IL1RAPL2: variants seen among roughly 807,000 people sequenced by gnomAD.
The protein encoded by IL1RAPL2 is interleukin 1 receptor accessory protein like 2.
A neutral mutation model predicts 44.1 loss-of-function variants in IL1RAPL2; 3 were observed. The observed-to-expected ratio is 0.07, with a 90% CI of 0.03 to 0.18. The LOEUF is 0.18. Among genes scored for constraint, IL1RAPL2 ranks in the 10% least tolerant of loss-of-function variants. The pLI is 1.00. For missense variants in IL1RAPL2, 391 were observed against 496.4 expected (o/e 0.79, Z 2.02); for synonymous variants, 181 against 178.8 (o/e 1.01, Z -0.10).
intron 2 of IL1RAPL2, among the ~76,000 whole-genome samples, chrX:104,672,103 C>CT (rs201160425): frequency 2.5e-4 from 27 of 106,720 alleles, no homozygotes; most frequent in African/African-American, 6.8e-4. Context: ...TGCTTTCTTT[C>CT]TTTTTTTTTT....
intron 2 of IL1RAPL2, among the ~76,000 whole-genome samples, chrX:104,737,780 T>C (rs1569305976): frequency 8.9e-6 from 1 of 112,100 alleles, no homozygotes; most frequent in East Asian, 2.8e-4. Context: ...ATGAATCTTT[T>C]GGCTTTGCTC....
At chrX:104,745,585 C>A (rs1191645719) in intron 2 of IL1RAPL2, among the ~76,000 whole-genome samples, 3 of 111,907 alleles carry the variant, frequency 2.7e-5, no homozygotes, top group African/African-American at 9.7e-5. Flanking sequence ...TAATCAGGTA[C>A]AAATATTAAT....
intron 2 of IL1RAPL2, among the ~76,000 whole-genome samples, chrX:104,795,894 A>G (rs1422728323): frequency 2.7e-5 from 3 of 112,130 alleles, no homozygotes; most frequent in Non-Finnish European, 5.6e-5. Context: ...TTCCTACAGT[A>G]GGTTCAAAAT....
chrX:104,909,049 AT>A (rs1924136349), intron 2 of IL1RAPL2, among the ~76,000 whole-genome samples: 1 of 110,173 alleles, frequency 9.1e-6, no homozygotes, highest in Admixed American at 9.7e-5. Flanking sequence ...ATTTCTTTTT[AT>A]TCTTTTTTCT....
intron 2 of IL1RAPL2, among the ~76,000 whole-genome samples, chrX:104,917,979 T>C (rs1924511901): frequency 9.0e-6 from 1 of 111,534 alleles, no homozygotes; most frequent in East Asian, 2.8e-4. Flanking sequence ...TTACCAGATA[T>C]ACTAATTACT....
At chrX:105,032,744 G>C (rs150310127) in intron 2 of IL1RAPL2, among the ~76,000 whole-genome samples, 17 of 110,948 alleles carry the variant, frequency 1.5e-4, no homozygotes, top group Admixed American at 1.3e-3. Flanking sequence ...TATTAGGTTC[G>C]CTTGGTACAG....
chrX:104,683,978 G>A (rs1930936104), intron 2 of IL1RAPL2, among the ~76,000 whole-genome samples: 1 of 111,584 alleles, frequency 9.0e-6, no homozygotes, highest in Admixed American at 9.5e-5. Context: ...TATACTAAAA[G>A]CTAAATTGAT....
intron 6 of IL1RAPL2, among the ~76,000 whole-genome samples, chrX:105,550,113 T>C (rs903416569): frequency 2.7e-5 from 3 of 111,707 alleles, no homozygotes; most frequent in African/African-American, 9.8e-5. Context: ...TTCCAGGAGA[T>C]AGGACCCGAG....
chrX:105,501,204 G>A (rs1178135893), intron 6 of IL1RAPL2, among the ~76,000 whole-genome samples: 1 of 111,816 alleles, frequency 8.9e-6, no homozygotes, highest in Non-Finnish European at 1.9e-5. Flanking sequence ...AAATTTCTAT[G>A]ATAACTAAAT....
chrX:104,936,570 A>C (rs1925031457), intron 2 of IL1RAPL2, among the ~76,000 whole-genome samples: 1 of 110,321 alleles, frequency 9.1e-6, no homozygotes, highest in Admixed American at 9.7e-5. Context: ...CACAGGTACT[A>C]AAATATCACT....
At chrX:104,937,737 C>G (rs1049557246) in intron 2 of IL1RAPL2, among the ~76,000 whole-genome samples, 1 of 112,320 alleles carries the variant, frequency 8.9e-6, no homozygotes, top group Non-Finnish European at 1.9e-5. Context: ...AATTTGGAAA[C>G]ATATTGCTCC....
intron 2 of IL1RAPL2, among the ~76,000 whole-genome samples, chrX:104,910,906 C>G (rs374748348): frequency 1.8e-5 from 2 of 111,072 alleles, no homozygotes; most frequent in East Asian, 2.8e-4. Flanking sequence ...CTTATTGACA[C>G]AAGGGAGAAA....
At chrX:104,882,222 A>T (rs1275886486) in intron 2 of IL1RAPL2, among the ~76,000 whole-genome samples, 1 of 112,338 alleles carries the variant, frequency 8.9e-6, no homozygotes, top group Non-Finnish European at 1.9e-5. Flanking sequence ...GCCTGGCTTC[A>T]GGTATATTTT....
intron 6 of IL1RAPL2, among the ~76,000 whole-genome samples, chrX:105,533,693 C>CACA (rs2036656999): frequency 8.9e-6 from 1 of 112,337 alleles, no homozygotes; most frequent in African/African-American, 3.2e-5. Flanking sequence ...TACATGGAGT[C>CACA]ACACAGTATG....
intron 2 of IL1RAPL2, among the ~76,000 whole-genome samples, chrX:104,913,214 A>T (rs1334364900): frequency 9.0e-6 from 1 of 111,388 alleles, no homozygotes; most frequent in Non-Finnish European, 1.9e-5. Context: ...GTTACCATCG[A>T]CCACAGGAGA....
At chrX:104,567,309 C>T (rs1282441804) in intron 1 of IL1RAPL2, among the ~76,000 whole-genome samples, 2 of 112,921 alleles carry the variant, frequency 1.8e-5, no homozygotes, top group Non-Finnish European at 3.7e-5. Context: ...GCCCGCGAGC[C>T]CAAGCGTTGC....
chrX:105,243,332 C>T (rs969635489), intron 4 of IL1RAPL2, among the ~76,000 whole-genome samples: 1 of 109,008 alleles, frequency 9.2e-6, no homozygotes, highest in Non-Finnish European at 1.9e-5. Context: ...CTTGTGAAGA[C>T]GTGCCTTGTT....
chrX:105,042,845 T>C (rs1290205229), intron 2 of IL1RAPL2, among the ~76,000 whole-genome samples: 5 of 107,391 alleles, frequency 4.7e-5, no homozygotes, highest in African/African-American at 1.7e-4. Flanking sequence ...CCAACAATGA[T>C]AGAGTGGATT....
intron 2 of IL1RAPL2, among the ~76,000 whole-genome samples, chrX:105,189,304 G>A (rs924541875): frequency 5.3e-5 from 6 of 112,374 alleles, no homozygotes; most frequent in Non-Finnish European, 1.9e-5. Context: ...GTGCAGTGGT[G>A]CGATCTCTGC....
Sources: allele counts gnomAD v4.1 joint callset (sites outside exome capture counted in the v4.1 genomes callset), GRCh38; gene constraint gnomAD v4.1.1; transcripts MANE v1.5; gene names NCBI Gene and HGNC (gene_info 2026-07-23, HGNC 2026-07-21).